GRM8: variants seen among roughly 807,000 people sequenced by gnomAD.
GRM8 encodes the protein glutamate metabotropic receptor 8.
A neutral mutation model predicts 87.2 loss-of-function variants in GRM8; 47 were observed. The ratio of observed to expected loss-of-function variants is 0.54; its 90% confidence interval spans 0.43 to 0.69. The LOEUF is 0.69. GRM8 is among the 30% of genes least tolerant of loss of function. The pLI is 0.00. For missense variants in GRM8, 1,019 were observed against 1,139.2 expected (o/e 0.89, Z 1.52); for synonymous variants, 396 against 404.5 (o/e 0.98, Z 0.25).
chr7:126,806,460 G>A (rs1792733946), intron 6 of GRM8, among the ~76,000 whole-genome samples: 1 of 152,264 alleles, frequency 6.6e-6, no homozygotes, highest in Non-Finnish European at 1.5e-5. Flanking sequence ...CATTGTGGCT[G>A]CTTGCGCAGC....
chr7:126,755,468 A>G (rs1195283374), intron 7 of GRM8, among the ~76,000 whole-genome samples: 4 of 151,976 alleles, frequency 2.6e-5, no homozygotes, highest in African/African-American at 9.6e-5. Flanking sequence ...GGACAGAAAA[A>G]TCAGAAAGCA....
At chr7:126,769,797 T>TA in intron 7 of GRM8, 68 bp downstream of exon 7, 1 of 1,003,208 alleles carries the variant, frequency 1.0e-6, no homozygotes, top group Non-Finnish European at 1.6e-6. Flanking sequence ...GGGTATCTTC[T>TA]ATATATAGGA....
rs183911268 is a variant in GRM8, at chr7:126,730,006, C to T, written c.1357+39859G>A. Among the ~76,000 whole-genome samples, 11 of 152,088 alleles carry T rather than the reference C, an allele frequency of 7.2e-5. No homozygotes were observed. The East Asian group carries it at 1.4e-3, about 19-fold the overall frequency. Reference sequence around the variant, plus strand: ...TCAGATATGCAAGAGTTTAGAAAGACGATCTTTTACTGAGAAAGTTCAATT... The same window carrying T: ...TCAGATATGCAAGAGTTTAGAAAGATGATCTTTTACTGAGAAAGTTCAATT... On this transcript the variant is annotated intron_variant, in intron 7 of 10. Coordinates refer to ENST00000339582, the MANE Select transcript of GRM8 (RefSeq NM_000845.3).
chr7:126,572,438 C>T (rs927454264), intron 8 of GRM8, among the ~76,000 whole-genome samples: 2 of 152,162 alleles, frequency 1.3e-5, no homozygotes, highest in African/African-American at 2.4e-5. Context: ...CATCCGATGG[C>T]TGCTCTGCAC....
intron 7 of GRM8, among the ~76,000 whole-genome samples, chr7:126,680,082 C>G (rs1807383876): frequency 6.6e-6 from 1 of 151,694 alleles, no homozygotes; most frequent in African/African-American, 2.4e-5. Context: ...AAATAGGAGG[C>G]TCACCCCAGA....
At chr7:126,710,097 C>T (rs1443652759) in intron 7 of GRM8, among the ~76,000 whole-genome samples, 1 of 152,170 alleles carries the variant, frequency 6.6e-6, no homozygotes, top group African/African-American at 2.4e-5. Flanking sequence ...TGTATAGCAG[C>T]ATTATGTCTA....
intron 9 of GRM8, among the ~76,000 whole-genome samples, chr7:126,523,628 G>A (rs960062053): frequency 6.6e-6 from 1 of 151,892 alleles, no homozygotes; most frequent in Admixed American, 6.6e-5. Context: ...CTTCAGAGTA[G>A]GTGGGATTAC....
At chr7:126,545,628 G>A in intron 8 of GRM8, among the ~76,000 whole-genome samples, 1 of 152,080 alleles carries the variant, frequency 6.6e-6, no homozygotes, top group South Asian at 2.1e-4. Context: ...AAACTTAAAA[G>A]TCAGCTAAAT....
At chr7:126,643,319 A>AAAATATATATATAT (rs1802666066) in intron 7 of GRM8, among the ~76,000 whole-genome samples, 1 of 36,198 alleles carries the variant, frequency 2.8e-5, no homozygotes, top group African/African-American at 1.3e-4. Context: ...AAAAAAAAAA[A>AAAATATATATATAT]ATATATATAT....
intron 1 of GRM8, among the ~76,000 whole-genome samples, chr7:127,247,129 T>G (rs192145747): frequency 6.6e-6 from 1 of 152,204 alleles, no homozygotes; most frequent in Non-Finnish European, 1.5e-5. Flanking sequence ...AGGGACAATC[T>G]GGGGGCATTT....
intron 8 of GRM8, among the ~76,000 whole-genome samples, chr7:126,587,715 C>A (rs1796284162): frequency 1.3e-5 from 2 of 151,488 alleles, no homozygotes; most frequent in South Asian, 4.2e-4. Context: ...AGGAGATATA[C>A]CTAATGTAAA....
chr7:126,715,715 G>A (rs1239457403), intron 7 of GRM8, among the ~76,000 whole-genome samples: 1 of 152,092 alleles, frequency 6.6e-6, no homozygotes, highest in East Asian at 1.9e-4. Flanking sequence ...AGGATCTACT[G>A]TATTTGTTTG....
intron 7 of GRM8, among the ~76,000 whole-genome samples, chr7:126,624,936 A>G (rs1346185931): frequency 6.6e-6 from 1 of 152,234 alleles, no homozygotes; most frequent in African/African-American, 2.4e-5. Context: ...CGTGCTACTA[A>G]CCTGTTAATC....
intron 9 of GRM8, among the ~76,000 whole-genome samples, chr7:126,510,003 G>C (rs1294868102): frequency 6.6e-6 from 1 of 151,974 alleles, no homozygotes; most frequent in Non-Finnish European, 1.5e-5. Flanking sequence ...CACACATGAT[G>C]TCTATTAGAA....
chr7:126,528,962 T>C (rs1249367656), intron 9 of GRM8, among the ~76,000 whole-genome samples: 7 of 152,114 alleles, frequency 4.6e-5, no homozygotes, highest in South Asian at 2.1e-4. Context: ...GGTAGATAAA[T>C]AGAGAAAAAG....
rs543384455 is a variant in GRM8 at position 126,888,196 on chromosome 7, C to T, written c.1156+14346G>A. ...GCTGAACCCAACACTGGCAGCCAGCCCATTCTGTGCCCTCAGCCTGCCAGT... is the reference window on the plus strand; with the variant it reads ...GCTGAACCCAACACTGGCAGCCAGCTCATTCTGTGCCCTCAGCCTGCCAGT... On this transcript the variant is annotated intron_variant, in intron 6 of 10. Transcript: ENST00000339582. Among the ~76,000 whole-genome samples the T allele has an allele frequency of 1.2e-4, 18 of 152,220 alleles. No individual in the cohort carries two copies. The South Asian group carries it at 3.5e-3, about 30-fold the overall frequency.
chr7:126,817,349 T>C (rs1793889895), intron 6 of GRM8, among the ~76,000 whole-genome samples: 1 of 152,126 alleles, frequency 6.6e-6, no homozygotes, highest in Non-Finnish European at 1.5e-5. Context: ...CTGTGTAATA[T>C]TTACTATTTA....
At chr7:127,111,465 A>C (rs1826343468) in intron 2 of GRM8, among the ~76,000 whole-genome samples, 1 of 152,052 alleles carries the variant, frequency 6.6e-6, no homozygotes, top group Admixed American at 6.6e-5. Flanking sequence ...ATGGTAAGTG[A>C]AGCTTCTGAA....
At chr7:127,198,159 C>T (rs374669651) in intron 2 of GRM8, among the ~76,000 whole-genome samples, 4 of 152,222 alleles carry the variant, frequency 2.6e-5, no homozygotes, top group South Asian at 4.1e-4. Context: ...GTATAATGAT[C>T]AAATCATGGT....
Sources: gnomAD v4.1 joint callset for allele counts (sites outside exome capture counted in the v4.1 genomes callset) on GRCh38, gnomAD v4.1.1 for gene constraint, MANE v1.5 for transcripts, NCBI Gene and HGNC (gene_info 2026-07-23, HGNC 2026-07-21) for gene names.